Variants in CDH23 observed in about 807,000 individuals in gnomAD.
The protein encoded by CDH23 is cadherin-23.
In CDH23, 189 loss-of-function variants were observed where a neutral mutation model predicts 317.1. The ratio of observed to expected loss-of-function variants is 0.60; its 90% CI spans 0.53 to 0.67. The LOEUF is 0.67. CDH23 is among the 30% of genes least tolerant of loss of function. The pLI, the probability that CDH23 is intolerant of heterozygous loss-of-function variation, is 0.00. For synonymous variants in CDH23, 1,839 were observed against 1,876.8 expected (o/e 0.98, Z 0.52); for missense variants, 4,401 against 4,592.4 (o/e 0.96, Z 1.20).
intron 11 of CDH23, among the ~76,000 whole-genome samples, chr10:71,632,267 C>T (rs915741907): frequency 1.8e-4 from 27 of 152,270 alleles, no homozygotes; most frequent in African/African-American, 6.5e-4. Flanking sequence ...TTCTCTCCAC[C>T]GTCATTAAAT....
intron 15 of CDH23, 22 bp downstream of exon 15, chr10:71,675,198 C>T (rs780130739): frequency 7.5e-6 from 12 of 1,607,034 alleles, no homozygotes; most frequent in South Asian, 6.6e-5. Flanking sequence ...CCCACAGCCC[C>T]TCAGGCCCCT....
intron 25 of CDH23, among the ~76,000 whole-genome samples, chr10:71,706,510 T>C (rs760152457): frequency 2.0e-5 from 3 of 152,220 alleles, no homozygotes; most frequent in Non-Finnish European, 2.9e-5. Flanking sequence ...GCACTCAGCA[T>C]GGGCTTGGCA....
chr10:71,660,408 G>A (rs543106626), intron 14 of CDH23, among the ~76,000 whole-genome samples: 3 of 152,150 alleles, frequency 2.0e-5, no homozygotes, highest in South Asian at 2.1e-4. Flanking sequence ...AGCCTTGGGC[G>A]GCTCCTTCCA....
chr10:71,456,591 T>C (rs1564592059), intron 3 of CDH23, among the ~76,000 whole-genome samples: 1 of 152,308 alleles, frequency 6.6e-6, no homozygotes, highest in African/African-American at 2.4e-5. Flanking sequence ...ATAATGATGA[T>C]GTGCCACCTG....
At chr10:71,504,896 A>G (rs1853548765) in intron 3 of CDH23, among the ~76,000 whole-genome samples, 1 of 152,166 alleles carries the variant, frequency 6.6e-6, no homozygotes, top group African/African-American at 2.4e-5. Context: ...CAGCTACAGG[A>G]CTTCTAACCT....
chr10:71,760,934 C>A lies in CDH23; in HGVS notation c.4846-16746C>A, dbSNP rs774386938. ...GATGGTGCATCTTTGCCTGTGGGAA[C>A]AAACAGAAGGGCCATTAGGTGGGTG... On this transcript the variant is annotated intron_variant, in intron 38 of 69. Coordinates refer to ENST00000224721, the MANE Select transcript of CDH23 (RefSeq NM_022124.6). 11 of 1,613,730 alleles carry A rather than the reference C, an allele frequency of 6.8e-6. 1 individual carries two copies. In the South Asian group the frequency reaches 1.2e-4, roughly 18 times the overall value.
chr10:71,809,758 C>A (rs1034877290), intron 60 of CDH23, 62 bp from the exon 61 acceptor site: 3 of 1,577,466 alleles, frequency 1.9e-6, no homozygotes, highest in Non-Finnish European at 2.6e-6. Context: ...GGCTCATGCC[C>A]CTTCCTGGGG....
At chr10:71,447,496 T>C (rs1405610827) in intron 3 of CDH23, among the ~76,000 whole-genome samples, 1 of 151,934 alleles carries the variant, frequency 6.6e-6, no homozygotes, top group African/African-American at 2.4e-5. Context: ...AGCAGGTGTG[T>C]GTCTGGCTGT....
intron 28 of CDH23, chr10:71,716,710 A>G (rs546061898): frequency 2.0e-5 from 4 of 197,968 alleles, no homozygotes; most frequent in South Asian, 3.7e-4. Flanking sequence ...CTCTGTGGCC[A>G]GGAACGAGTT....
chr10:71,788,084 C>T (rs535489105), intron 44 of CDH23, among the ~76,000 whole-genome samples: 7 of 152,274 alleles, frequency 4.6e-5, no homozygotes, highest in Non-Finnish European at 7.3e-5. Context: ...GTCTTGCTCT[C>T]TTGCCCAGGC....
chr10:71,735,045 G>A (rs1045517980), intron 34 of CDH23, among the ~76,000 whole-genome samples: 10 of 152,338 alleles, frequency 6.6e-5, no homozygotes, highest in Admixed American at 4.6e-4. Context: ...CAGCATCCCT[G>A]CCATCCTCAG....
chr10:71,429,642 T>A (rs1231852239), intron 1 of CDH23, among the ~76,000 whole-genome samples: 2 of 151,942 alleles, frequency 1.3e-5, no homozygotes, highest in East Asian at 3.9e-4. Flanking sequence ...ATTTAGCGGG[T>A]GCGTGGAAGA....
At chr10:71,582,333 A>T (rs1858698624) in intron 9 of CDH23, among the ~76,000 whole-genome samples, 1 of 152,188 alleles carries the variant, frequency 6.6e-6, no homozygotes, top group Non-Finnish European at 1.5e-5. Context: ...AACACATAGG[A>T]TTTTGAAGAC....
At chr10:71,786,486 C>CGCT (rs1841109490) in intron 44 of CDH23, among the ~76,000 whole-genome samples, 1 of 114,964 alleles carries the variant, frequency 8.7e-6, no homozygotes, top group Non-Finnish European at 1.8e-5. Flanking sequence ...CTGCTTCCTA[C>CGCT]TCTTTTTTTT....
chr10:71,651,653 T>C (rs924908512), intron 14 of CDH23, among the ~76,000 whole-genome samples: 3 of 152,116 alleles, frequency 2.0e-5, no homozygotes. Context: ...AGTGGGGTCC[T>C]GCTCCTTTGA....
chr10:71,551,767 G>A (rs546071020), intron 6 of CDH23, among the ~76,000 whole-genome samples: 56 of 152,272 alleles, frequency 3.7e-4, no homozygotes, highest in Admixed American at 3.3e-3. Context: ...GCCAGCAGTG[G>A]AGCCCAGTGG....
intron 3 of CDH23, among the ~76,000 whole-genome samples, chr10:71,483,723 G>T (rs888889992): frequency 6.6e-6 from 1 of 152,194 alleles, no homozygotes; most frequent in Non-Finnish European, 1.5e-5. Context: ...CTGTGTGGTG[G>T]ATGCAATCCT....
intron 27 of CDH23, 36 bp downstream of exon 27, chr10:71,709,247 C>G (rs1865891404): frequency 6.3e-7 from 1 of 1,578,106 alleles, no homozygotes; most frequent in East Asian, 2.3e-5. Context: ...ACACAGTGAT[C>G]TGGGCAGAGT....
At chr10:71,708,511 C>T (rs1865867529) in intron 26 of CDH23, among the ~76,000 whole-genome samples, 1 of 152,200 alleles carries the variant, frequency 6.6e-6, no homozygotes, top group African/African-American at 2.4e-5. Context: ...CCCACCTGTC[C>T]CAGAACTCAA....
Sources: allele counts gnomAD v4.1 joint callset (sites outside exome capture counted in the v4.1 genomes callset), GRCh38; gene constraint gnomAD v4.1.1; transcripts MANE v1.5; gene names NCBI Gene and HGNC (gene_info 2026-07-23, HGNC 2026-07-21).